HEPH: variants seen among roughly 807,000 people sequenced by gnomAD.
HEPH encodes the protein hephaestin.
Under a neutral mutation model 80.8 loss-of-function variants are expected in HEPH, and 69 were observed. That is an observed-to-expected ratio of 0.85 (90% CI 0.70 to 1.04). HEPH has a LOEUF of 1.04. HEPH is among the 50% of genes least tolerant of loss of function. The pLI, the probability that HEPH is intolerant of heterozygous loss-of-function variation, is 0.00. For missense variants in HEPH, 1,115 were observed against 891.3 expected (o/e 1.25, Z -3.20); for synonymous variants, 431 against 322.8 (o/e 1.34, Z -3.60).
chrX:66,219,741 C>G (rs1283076435), intron 15 of HEPH, among the ~76,000 whole-genome samples: 1 of 111,501 alleles, frequency 9.0e-6, no homozygotes, highest in African/African-American at 3.3e-5. Context: ...GTTCACCTGT[C>G]TTTGTAGGCA....
chrX:66,190,811 C>T (rs1356642199), intron 6 of HEPH, among the ~76,000 whole-genome samples: 2 of 111,514 alleles, frequency 1.8e-5, no homozygotes, highest in Non-Finnish European at 3.8e-5. Context: ...GTTACATGTA[C>T]TCCATTATCC....
At chrX:66,200,802 G>T (rs375120934) in intron 12 of HEPH, 50 bp downstream of exon 12, 20 of 1,015,596 alleles carry the variant, frequency 2.0e-5, no homozygotes, top group Non-Finnish European at 2.6e-5. Flanking sequence ...TATAGGGCCA[G>T]GAATGGGGTC....
At chrX:66,217,964 A>G (rs1293855816) in intron 15 of HEPH, among the ~76,000 whole-genome samples, 1 of 112,009 alleles carries the variant, frequency 8.9e-6, no homozygotes, top group Non-Finnish European at 1.9e-5. Context: ...ATATAATAAT[A>G]AAAGGACTAA....
chrX:66,232,349 C>CT (rs1472117005), intron 15 of HEPH, among the ~76,000 whole-genome samples: 2 of 111,358 alleles, frequency 1.8e-5, no homozygotes, highest in Non-Finnish European at 3.8e-5. Flanking sequence ...AAAATTTACT[C>CT]TAAGTGTTGT....
In HEPH at chrX:66,250,864, A is replaced by G. The variant is rs781752020; in HGVS notation, c.2564-4171A>G. 6.3e-5 allele frequency among the ~76,000 whole-genome samples: 7 copies of G among 111,688 alleles called. No homozygotes were observed. The East Asian group carries it at 2.0e-3, about 31-fold the overall frequency. On this transcript the variant is annotated intron_variant, in intron 15 of 20. Transcript: ENST00000343002. ...TCCAGTTATTAGCTCTTGTTAATAA[A>G]ATTACTATGACTATCTGTATAGAGG...
intron 11 of HEPH, 62 bp downstream of exon 11, chrX:66,199,090 C>T (rs1322196121): frequency 3.7e-6 from 4 of 1,074,213 alleles, no homozygotes; most frequent in African/African-American, 1.8e-5. Flanking sequence ...TAACTTTAAC[C>T]GTAATCATGA....
At chrX:66,204,775 A>G (rs1016025802) in intron 13 of HEPH, among the ~76,000 whole-genome samples, 1 of 112,365 alleles carries the variant, frequency 8.9e-6, no homozygotes, top group African/African-American at 3.2e-5. Context: ...CTTGTTTCTG[A>G]TCAGAACCCA....
At chrX:66,213,145 T>C (rs908708356) in intron 15 of HEPH, among the ~76,000 whole-genome samples, 5 of 110,076 alleles carry the variant, frequency 4.5e-5, no homozygotes, top group African/African-American at 1.7e-4. Flanking sequence ...TAACTCATCA[T>C]CTAGCATTAG....
At position 66,208,212 on chromosome X, in the gene HEPH, A is replaced by G; in HGVS notation, c.2529A>G (p.Glu843=). 8.3e-7 allele frequency: 1 copy of G among 1,209,306 alleles called. No homozygotes were observed. Among genetic ancestry groups the G allele is most frequent in the Non-Finnish European group, 1.1e-6 (1 of 893,952 alleles). ...PYSVHAHGVL[E]STTVWPLAAE... ...CTGTGCATGCTCATGGAGTGCTAGA[A>G]TCTACTACTGTCTGGCCACTGGCTG... Residue 843 remains glutamate (E), a synonymous_variant, in exon 15 of 21, where the codon GAA becomes GAG. Transcript: ENST00000343002.
In HEPH at chrX:66,253,962, G is replaced by A. The variant is rs747232504; in HGVS notation, c.2564-1073G>A. Among the ~76,000 whole-genome samples, 40 of 111,388 alleles carry A rather than the reference G, an allele frequency of 3.6e-4. No individual in the cohort carries two copies. The South Asian group carries it at 0.015, about 42-fold the overall frequency. On this transcript the variant is annotated intron_variant, in intron 15 of 20. Coordinates refer to ENST00000343002, the MANE Select transcript of HEPH (RefSeq NM_001367233.3). ...GGCAGGAATGGATGGGTGGATTAGG[G>A]GATGAGGGCAGTACAGGAGTTTTTT...
chrX:66,221,896 T>A (rs1239452966), intron 15 of HEPH, among the ~76,000 whole-genome samples: 6 of 112,525 alleles, frequency 5.3e-5, no homozygotes, highest in African/African-American at 1.9e-4. Context: ...TGCATCTAAA[T>A]GGATGTGAGA....
At chrX:66,187,464 C>CT (rs1187567732) in intron 4 of HEPH, among the ~76,000 whole-genome samples, 2 of 111,404 alleles carry the variant, frequency 1.8e-5, no homozygotes, top group African/African-American at 3.3e-5. Flanking sequence ...TCTCTCCCTC[C>CT]TTTTTTATGG....
In HEPH at chrX:66,189,731, G is replaced by T; in HGVS notation, c.856G>T (p.Ala286Ser). 8.3e-7 allele frequency: 1 copy of T among 1,210,976 alleles called. No individual in the cohort carries two copies. The highest frequency in any genetic ancestry group is 1.1e-6 in the Non-Finnish European group (1 of 894,994). Residue 286 changes from alanine to serine, a missense_variant, in exon 6 of 21, where the codon GCA becomes TCA. Around this residue, in one of 3 missense-constraint regions of HEPH, gnomAD observed 391 missense variants for 343.6 expected, o/e 1.14. Transcript: ENST00000343002. ...FGNLPELNMC[A>S]QKRVAWHLFG... is the part of the protein sequence containing the mutation. ...GAATTTACCTGAGCTGAACATGTGT[G>T]CACAGAAACGTGTGGCCTGGCACTT...
At chrX:66,175,837 A>G (rs761983060) in intron 4 of HEPH, among the ~76,000 whole-genome samples, 132 of 111,732 alleles carry the variant, frequency 1.2e-3, no homozygotes, top group African/African-American at 4.3e-3. Flanking sequence ...AGTGTATAGA[A>G]GAGCTACTGA....
intron 15 of HEPH, among the ~76,000 whole-genome samples, chrX:66,251,473 T>C (rs1308053384): frequency 2.7e-5 from 3 of 112,319 alleles, no homozygotes; most frequent in Non-Finnish European, 3.8e-5. Flanking sequence ...ATCTATCATA[T>C]GTTTATTTGT....
chrX:66,223,317 T>G lies in HEPH; in HGVS notation c.2563+15071T>G, dbSNP rs138209126. On this transcript the variant is annotated intron_variant, in intron 15 of 20. Coordinates refer to ENST00000343002, the MANE Select transcript of HEPH (RefSeq NM_001367233.3). ...GGACTTTGTAGTCTTTGGTGCCTTC[T>G]TACTGAGAAATTTCCTTTAGCACCT... Among the ~76,000 whole-genome samples, 808 of 111,838 alleles carry G rather than the reference T, an allele frequency of 7.2e-3. 10 individuals carry two copies. The highest frequency in any genetic ancestry group is 0.024 in the African/African-American group (735 of 30,837).
intron 15 of HEPH, among the ~76,000 whole-genome samples, chrX:66,216,486 TAAC>T (rs1373131990): frequency 1.8e-5 from 2 of 111,323 alleles, no homozygotes; most frequent in Admixed American, 1.9e-4. Flanking sequence ...AGAAGAGAAA[TAAC>T]AATCACTGCA....
intron 10 of HEPH, 68 bp from the exon 11 acceptor site, chrX:66,198,810 A>G: frequency 1.2e-6 from 1 of 840,590 alleles, no homozygotes; most frequent in East Asian, 3.2e-5. Flanking sequence ...TTGATCTGTA[A>G]CGACACAGTC....
rs756679155 is a variant in HEPH at position 66,173,680 on chromosome X, A to G, written c.504A>G (p.Pro168=). The G allele has an allele frequency of 3.0e-5, 36 of 1,208,703 alleles. No individual in the cohort carries two copies. Among genetic ancestry groups the G allele is most frequent in the Admixed American group, 2.0e-4 (9 of 45,692 alleles). Residue 168 remains proline (P), a synonymous_variant, in exon 4 of 21, where the codon CCA becomes CCG. Coordinates refer to ENST00000343002, the MANE Select transcript of HEPH (RefSeq NM_001367233.3). The part of the protein sequence containing the change: ...GGSHIYNWTI[P]EGHAPTDADP... ...GCCATATCTACAACTGGACCATTCC[A>G]GAAGGCCATGCACCCACCGATGCTG...
Sources: allele counts gnomAD v4.1 joint callset (sites outside exome capture counted in the v4.1 genomes callset), GRCh38; gene constraint gnomAD v4.1.1; regional missense constraint gnomAD v4.1.1; transcripts MANE v1.5; gene names NCBI Gene and HGNC (gene_info 2026-07-23, HGNC 2026-07-21).